Variants in RIF1 observed in about 807,000 individuals in gnomAD.
The protein encoded by RIF1 is replication timing regulatory factor 1.
Under a neutral mutation model 247.1 loss-of-function variants are expected in RIF1, and 45 were observed. The observed-to-expected ratio is 0.18, with a 90% CI of 0.14 to 0.23. The LOEUF (loss-of-function observed/expected upper bound fraction) is 0.23, where lower values mean the gene tolerates loss of function less well. RIF1 is among the 10% of genes least tolerant of loss of function. The pLI is 1.00. For missense variants in RIF1, 2,967 were observed against 2,862.5 expected, an observed-to-expected ratio of 1.04 and a Z score of -0.83; for synonymous variants, 1,087 against 978.8, an observed-to-expected ratio of 1.11 and a Z score of -2.06.
intron 9 of RIF1, chr2:151,493,283 C>G: frequency 8.7e-7 from 1 of 1,150,396 alleles, no homozygotes; most frequent in Non-Finnish European, 1.3e-6. Flanking sequence ...ATGAGAAAGG[C>G]GTGTTTTTAT....
chr2:151,472,067 C>A (rs555459488), intron 34 of RIF1, among the ~76,000 whole-genome samples: 1 of 152,150 alleles, frequency 6.6e-6, no homozygotes, highest in African/African-American at 2.4e-5. Context: ...TTGTAGTTCT[C>A]CTTGAAGAGG....
chr2:151,534,093 A>G, the RIF1 span: 1 of 741,712 alleles, frequency 1.3e-6, no homozygotes, highest in Non-Finnish European at 2.2e-6. Flanking sequence ...AGATACTTTG[A>G]AACAGAACAA....
In RIF1 at chr2:151,476,125, A is replaced by G. The variant is rs1479852776; in HGVS notation, c.*1054A>G. On this transcript the variant is annotated 3_prime_UTR_variant, in exon 36 of 36. Coordinates refer to ENST00000444746, the MANE Select transcript of RIF1 (RefSeq NM_018151.5). ...TACCTTCTTACTACTTTTGGTTTGG[A>G]GGAGGGTATCACCACTAGAAAGTGT... 6.6e-6 allele frequency: 1 copy of G among 152,176 alleles called. No homozygotes were observed. Among genetic ancestry groups the G allele is most frequent in the Non-Finnish European group, 1.5e-5 (1 of 68,006 alleles). The allele number at this position is 152,176 out of a possible 1,614,324, so 9.4% of individuals were successfully genotyped here.
the RIF1 span, chr2:151,519,704 C>T: frequency 6.2e-7 from 1 of 1,613,242 alleles, no homozygotes; most frequent in Non-Finnish European, 8.5e-7. Flanking sequence ...GTAGAGCTGG[C>T]TGTCTTTTGG....
Position 151,428,779 on chromosome 2 carries a change from T to G in RIF1, c.787-5T>G. On this transcript the variant is annotated splice_polypyrimidine_tract_variant and splice_region_variant and intron_variant, in intron 8 of 35. Transcript: ENST00000444746. Reference sequence around the variant, plus strand: ...AACTTCTTAATGATTTTTTCCCCTTTTTAGACCTTGCATCGAAGTGGGAGT... The same window carrying G: ...AACTTCTTAATGATTTTTTCCCCTTGTTAGACCTTGCATCGAAGTGGGAGT... 1 of 1,600,584 alleles carries G rather than the reference T, an allele frequency of 6.2e-7. No homozygotes were observed. The highest frequency in any genetic ancestry group is 8.6e-7 in the Non-Finnish European group (1 of 1,168,358).
At chr2:151,522,701 CAG>C in the RIF1 span, among the ~76,000 whole-genome samples, 78 of 152,348 alleles carry the variant, frequency 5.1e-4, no homozygotes, top group Non-Finnish European at 4.1e-4. Context: ...CAGAGGAAGA[CAG>C]AAATAATGGC....
At chr2:151,500,814 G>A (rs1256851517) in intron 11 of RIF1, among the ~76,000 whole-genome samples, 1 of 151,878 alleles carries the variant, frequency 6.6e-6, no homozygotes, top group Non-Finnish European at 1.5e-5. Context: ...GGCTAGGCTG[G>A]TCTCGACCTC....
At position 151,465,312 on chromosome 2, in the gene RIF1, A is replaced by C; in HGVS notation, c.5792A>C (p.Glu1931Ala). Reference sequence around the variant, plus strand: ...AATGAAGCTAGCTTTCATGGACAAGAGAGAACCAAAACTGGTATTTCTGAA... The same window carrying C: ...AATGAAGCTAGCTTTCATGGACAAGCGAGAACCAAAACTGGTATTTCTGAA... ...VGNEASFHGQ[E>A]RTKTGISEEA... Residue 1931 changes from glutamate to alanine, a missense_variant, in exon 30 of 36, where the codon GAG becomes GCG. Transcript: ENST00000444746. The C allele has an allele frequency of 6.2e-7, 1 of 1,613,890 alleles. No individual in the cohort carries two copies. The highest frequency in any genetic ancestry group is 1.7e-5 in the Admixed American group (1 of 59,972).
chr2:151,525,095 G>C, the RIF1 span: 3 of 1,093,306 alleles, frequency 2.7e-6, no homozygotes, highest in East Asian at 4.7e-5. Context: ...ACTGGAACAA[G>C]AGAATGCACC....
intron 9 of RIF1, among the ~76,000 whole-genome samples, chr2:151,487,818 T>C (rs1009136988): frequency 6.6e-6 from 1 of 152,154 alleles, no homozygotes; most frequent in Non-Finnish European, 1.5e-5. Context: ...GGTTTTGCCT[T>C]GTTGCATAGG....
intron 11 of RIF1, 97 bp from the exon 12 acceptor site, chr2:151,436,730 T>G: frequency 1.1e-6 from 1 of 890,402 alleles, no homozygotes; most frequent in Non-Finnish European, 1.7e-6. Context: ...ATTTAAACTC[T>G]GTTTTTAAAA....
downstream of RIF1, chr2:151,485,976 T>G (rs1440671459): frequency 6.3e-7 from 1 of 1,581,928 alleles, no homozygotes. Context: ...TATGTTGGAT[T>G]TGCAACAGTT....
intron 12 of RIF1, 69 bp from the exon 13 acceptor site, chr2:151,437,172 T>A (rs554690010): frequency 7.4e-7 from 1 of 1,349,350 alleles, no homozygotes; most frequent in African/African-American, 1.5e-5. Context: ...CATTTTAAAG[T>A]TTTATAGTGA....
At chr2:151,530,919 C>T in the RIF1 span, 6 of 931,914 alleles carry the variant, frequency 6.4e-6, no homozygotes, top group Non-Finnish European at 1.0e-5. Context: ...GAATAGATAA[C>T]TGGACCAGGG....
Position 151,490,409 on chromosome 2 carries a change from C to T in RIF1, c.*416-4820C>T, listed in dbSNP as rs1390774664. 25 of 1,596,390 alleles carry T rather than the reference C, an allele frequency of 1.6e-5. No homozygotes were observed. The highest frequency in any genetic ancestry group is 1.5e-4 in the Admixed American group (9 of 58,130). ...CAAAGACACCCCCGTCGCTGTAAGT[C>T]GAAAGGTGGTGGTCTGGTGCTTCTG... is the stretch of plus-strand genomic sequence containing the variant. On this transcript the variant is annotated intron_variant and NMD_transcript_variant, in intron 9 of 13. Coordinates refer to the RIF1 transcript ENST00000454583.
chr2:151,467,872 C>A, intron 30 of RIF1, 128 bp from the exon 31 acceptor site: 3 of 774,338 alleles, frequency 3.9e-6, no homozygotes, highest in Admixed American at 2.8e-5. Context: ...AACTGTGCAG[C>A]TGACTTCTGG....
At chr2:151,410,867 T>A (rs957484293) in intron 2 of RIF1, among the ~76,000 whole-genome samples, 9 of 150,714 alleles carry the variant, frequency 6.0e-5, no homozygotes, top group Non-Finnish European at 1.2e-4. Flanking sequence ...CTACCCAGAG[T>A]TTTTTTAACA....
intron 9 of RIF1, among the ~76,000 whole-genome samples, chr2:151,430,060 G>A (rs550665183): frequency 5.4e-5 from 8 of 149,420 alleles, no homozygotes; most frequent in South Asian, 4.2e-4. Flanking sequence ...TCGCTCTGTC[G>A]TCCAGGCTGG....
intron 13 of RIF1, among the ~76,000 whole-genome samples, chr2:151,507,268 A>G (rs1200284503): frequency 6.6e-6 from 1 of 152,242 alleles, no homozygotes; most frequent in East Asian, 1.9e-4. Flanking sequence ...TTTGAAAAAG[A>G]TAGATGTCTC....
Sources: allele counts gnomAD v4.1 joint callset (sites outside exome capture counted in the v4.1 genomes callset), GRCh38; gene constraint gnomAD v4.1.1; transcripts MANE v1.5; gene names NCBI Gene and HGNC (gene_info 2026-07-23, HGNC 2026-07-21).